The following GLYATL2 variants were observed in gnomAD, a reference collection of about 807,000 sequenced individuals.
The protein encoded by GLYATL2 is glycine N-acyltransferase-like protein 2.
A neutral mutation model predicts 21.4 loss-of-function variants in GLYATL2; 25 were observed. That is an observed-to-expected ratio of 1.17 (90% CI 0.85 to 1.63). The LOEUF (loss-of-function observed/expected upper bound fraction) is 1.63. Ranked by LOEUF, GLYATL2 falls within the 40% of genes most tolerant of loss-of-function variation. The probability of loss-of-function intolerance (pLI) is 0.00; values close to 1 mark genes in which losing one functional copy is unlikely to be tolerated. For synonymous variants in GLYATL2, 114 were observed against 118.2 expected, an observed-to-expected ratio of 0.96 and a Z score of 0.23; for missense variants, 361 against 343.3, an observed-to-expected ratio of 1.05 and a Z score of -0.41.
chr11:58,876,820 A>C (rs1290169459), intron 1 of GLYATL2, among the ~76,000 whole-genome samples: 3 of 152,252 alleles, frequency 2.0e-5, no homozygotes, highest in Admixed American at 6.5e-5. Flanking sequence ...CCAAGCTGTC[A>C]GACAAGGACA....
chr11:58,878,541 C>T (rs913768459), intron 1 of GLYATL2, among the ~76,000 whole-genome samples: 1 of 152,160 alleles, frequency 6.6e-6, no homozygotes, highest in African/African-American at 2.4e-5. Context: ...GCTTCGATCC[C>T]CTTAGAGGCC....
At chr11:58,861,652 G>A (rs993673331) in intron 1 of GLYATL2, among the ~76,000 whole-genome samples, 4 of 151,298 alleles carry the variant, frequency 2.6e-5, no homozygotes, top group Admixed American at 1.3e-4. Flanking sequence ...TGTAACATTT[G>A]GTTGTTTAAG....
chr11:58,851,999 T>C (rs532708253), intron 1 of GLYATL2, among the ~76,000 whole-genome samples: 151 of 152,362 alleles, frequency 9.9e-4, no homozygotes, highest in African/African-American at 3.2e-3. Flanking sequence ...GGCTGGCATC[T>C]GAGTTTCTGG....
At chr11:58,858,887 AT>A (rs1267953919) in intron 1 of GLYATL2, among the ~76,000 whole-genome samples, 1 of 152,128 alleles carries the variant, frequency 6.6e-6, no homozygotes, top group Non-Finnish European at 1.5e-5. Flanking sequence ...TTTAGAGAGC[AT>A]CACTGTCTCC....
At chr11:58,862,587 C>T (rs906991418) in intron 1 of GLYATL2, among the ~76,000 whole-genome samples, 8 of 152,186 alleles carry the variant, frequency 5.3e-5, no homozygotes, top group African/African-American at 2.4e-5. Flanking sequence ...ATCAAATCTG[C>T]TTTCAAAGAA....
chr11:58,876,092 G>A (rs568729263), intron 1 of GLYATL2, among the ~76,000 whole-genome samples: 2 of 152,238 alleles, frequency 1.3e-5, no homozygotes, highest in East Asian at 3.9e-4. Flanking sequence ...CGGTTACTGA[G>A]GCTTGTGCAT....
At chr11:58,862,285 T>C (rs1048752196) in intron 1 of GLYATL2, among the ~76,000 whole-genome samples, 7 of 152,202 alleles carry the variant, frequency 4.6e-5, no homozygotes, top group Admixed American at 3.9e-4. Flanking sequence ...ATATCTTGTA[T>C]TCTTGAAGGG....
intron 1 of GLYATL2, among the ~76,000 whole-genome samples, chr11:58,866,231 T>C (rs1046381772): frequency 1.1e-4 from 17 of 148,506 alleles, no homozygotes; most frequent in African/African-American, 4.1e-4. Flanking sequence ...AGTCAGATTG[T>C]TATTTATCTC....
rs1321409077 is a variant in GLYATL2, at chr11:58,837,022, C to T, written c.469G>A (p.Asp157Asn). The T allele has an allele frequency of 6.2e-7, 1 of 1,611,876 alleles. No individual in the cohort carries two copies. The highest frequency in any genetic ancestry group is 1.3e-5 in the African/African-American group (1 of 74,838). The change falls in exon 5 of 6, where the codon GAT becomes AAT. Residue 157 changes from aspartate (D) to asparagine (N), a missense_variant. By Grantham distance (23) the Asp-to-Asn change is conservative. Transcript: ENST00000287275. ...CAAAAGGTAAAATCTCACTTGTTATCATCATCCACTTCAAATAACTCCATC... is the reference window on the plus strand; with the variant it reads ...CAAAAGGTAAAATCTCACTTGTTATTATCATCCACTTCAAATAACTCCATC... Reference protein sequence around the residue: ...DKMELFEVDDDNKEGNFSNMF... With the variant: ...DKMELFEVDDNNKEGNFSNMF...
At chr11:58,867,810 C>T (rs1487306565) in intron 1 of GLYATL2, among the ~76,000 whole-genome samples, 1 of 148,864 alleles carries the variant, frequency 6.7e-6, no homozygotes, top group Admixed American at 6.9e-5. Context: ...CGGTTTTGAA[C>T]CACAGACTAG....
upstream of GLYATL2, among the ~76,000 whole-genome samples, chr11:58,904,827 T>A (rs1590761177): frequency 6.6e-6 from 1 of 152,340 alleles, no homozygotes; most frequent in East Asian, 1.9e-4. Context: ...AACTTTTACA[T>A]AAACATCTGT....
At chr11:58,908,277 G>C (rs544809113), upstream of GLYATL2, 11 of 152,346 alleles carry the variant, frequency 7.2e-5, 1 homozygote, top group African/African-American at 2.6e-4. Context: ...AGGGGTTACC[G>C]CATATGATTT....
rs764109815 is a variant in GLYATL2, at chr11:58,839,567, A to T, written c.46T>A (p.Ser16Thr). 3.7e-6 allele frequency: 6 copies of T among 1,611,700 alleles called. No individual in the cohort carries two copies. In the South Asian group the frequency reaches 4.4e-5, roughly 12 times the overall value. Residue 16 changes from serine to threonine, a missense_variant, in exon 2 of 6, where the codon TCC becomes ACC. Ser to Thr is a moderately conservative substitution (Grantham distance 58, BLOSUM62 1). Coordinates refer to ENST00000287275, the MANE Select transcript of GLYATL2 (RefSeq NM_145016.4). ...NSQKLQILYK[S>T]LEKSIPESIK... is the part of the protein sequence containing the mutation. ...GATTCAGGGATGCTCTTTTCTAAGG[A>T]TTTATACAGAATCTGCAGCTTCTGA...
chr11:58,872,106 C>T (rs900581909), intron 1 of GLYATL2, among the ~76,000 whole-genome samples: 7 of 152,242 alleles, frequency 4.6e-5, no homozygotes, highest in Admixed American at 3.9e-4. Context: ...TGTTCATATC[C>T]TTCACCCATT....
intron 1 of GLYATL2, chr11:58,892,598 G>T (rs975193284): frequency 1.5e-5 from 4 of 268,912 alleles, no homozygotes; most frequent in Middle Eastern, 6.9e-4. Flanking sequence ...GATTAATCAT[G>T]TGGGAGCAGT....
intron 1 of GLYATL2, among the ~76,000 whole-genome samples, chr11:58,843,903 A>T (rs1441451981): frequency 6.6e-6 from 1 of 152,146 alleles, no homozygotes; most frequent in African/African-American, 2.4e-5. Flanking sequence ...CATGAATAGG[A>T]TGTAGCAGAA....
intron 1 of GLYATL2, among the ~76,000 whole-genome samples, chr11:58,856,487 T>C (rs1311130812): frequency 2.0e-5 from 3 of 152,232 alleles, no homozygotes; most frequent in Non-Finnish European, 4.4e-5. Context: ...TGGACTGTCT[T>C]GGATTTTGAC....
At chr11:58,860,815 G>A (rs899179165) in intron 1 of GLYATL2, among the ~76,000 whole-genome samples, 5 of 152,052 alleles carry the variant, frequency 3.3e-5, no homozygotes, top group Middle Eastern at 3.4e-3. Flanking sequence ...AGGAAATCAT[G>A]GTGAGCTTTA....
At chr11:58,907,006 TA>T (rs1329038616), upstream of GLYATL2, among the ~76,000 whole-genome samples, 1 of 152,088 alleles carries the variant, frequency 6.6e-6, no homozygotes, top group Non-Finnish European at 1.5e-5. Flanking sequence ...ACAGGAACAA[TA>T]AAAGGTTGAT....
Sources: gnomAD v4.1 joint callset for allele counts (sites outside exome capture counted in the v4.1 genomes callset) on GRCh38, gnomAD v4.1.1 for gene constraint, MANE v1.5 for transcripts, NCBI Gene and HGNC (gene_info 2026-07-23, HGNC 2026-07-21) for gene names.